TYW1: variants seen among roughly 807,000 people sequenced by gnomAD.
TYW1 encodes the protein S-adenosyl-L-methionine-dependent tRNA 4-demethylwyosine synthase TYW1.
TYW1 carries 46 observed loss-of-function variants against 96.2 expected under a neutral mutation model. The observed-to-expected ratio is 0.48, with a 90% CI of 0.38 to 0.61. The LOEUF (loss-of-function observed/expected upper bound fraction) is 0.61. Among genes scored for constraint, TYW1 ranks in the 20% least tolerant of loss-of-function variants. The pLI is 0.00. For synonymous variants in TYW1, 274 were observed against 323.0 expected (o/e 0.85, Z 1.63); for missense variants, 684 against 909.6 (o/e 0.75, Z 3.19).
chr7:67,013,036 A>G (rs981863852), intron 4 of TYW1, among the ~76,000 whole-genome samples: 3 of 152,168 alleles, frequency 2.0e-5, no homozygotes, highest in Non-Finnish European at 4.4e-5. Flanking sequence ...CCAAGTGTTA[A>G]ATTACTTTAT....
chr7:67,101,054 G>A (rs1205580374), intron 12 of TYW1, among the ~76,000 whole-genome samples: 1 of 152,096 alleles, frequency 6.6e-6, no homozygotes, highest in Non-Finnish European at 1.5e-5. Flanking sequence ...TCTCTTTGTT[G>A]TGCTTATGTG....
chr7:67,108,952 C>T (rs1450887800), intron 12 of TYW1, among the ~76,000 whole-genome samples: 2 of 151,948 alleles, frequency 1.3e-5, no homozygotes, highest in Admixed American at 1.3e-4. Flanking sequence ...ACTTGTGGGT[C>T]AAAAAGAAGT....
At chr7:67,181,642 A>G (rs1039469142) in intron 13 of TYW1, among the ~76,000 whole-genome samples, 15 of 150,516 alleles carry the variant, frequency 1.0e-4, no homozygotes, top group Admixed American at 7.3e-4. Context: ...GAGCATTGCT[A>G]CTTCAGGTGT....
chr7:67,153,065 C>T (rs1157570441), intron 13 of TYW1, among the ~76,000 whole-genome samples: 1 of 152,194 alleles, frequency 6.6e-6, no homozygotes, highest in Non-Finnish European at 1.5e-5. Context: ...AACATTTAGC[C>T]CCAGCCTTCA....
intron 6 of TYW1, among the ~76,000 whole-genome samples, chr7:67,021,484 T>C (rs1794271280): frequency 1.3e-5 from 2 of 152,292 alleles, no homozygotes; most frequent in Non-Finnish European, 2.9e-5. Flanking sequence ...CCTGTTTACT[T>C]ACCCTTCACA....
At chr7:67,033,086 G>A (rs1794724467) in intron 7 of TYW1, among the ~76,000 whole-genome samples, 1 of 151,550 alleles carries the variant, frequency 6.6e-6, no homozygotes. Context: ...TAGTAGAGAT[G>A]GAGTTTCACC....
intron 11 of TYW1, among the ~76,000 whole-genome samples, chr7:67,096,338 T>TGAG (rs1176142816): frequency 2.7e-4 from 41 of 152,234 alleles, no homozygotes; most frequent in African/African-American, 7.9e-4. Flanking sequence ...TGCAGTGAGC[T>TGAG]ATTTTGCCAC....
chr7:67,112,529 T>C (rs1462430034), intron 12 of TYW1, among the ~76,000 whole-genome samples: 1 of 150,744 alleles, frequency 6.6e-6, no homozygotes, highest in African/African-American at 2.4e-5. Flanking sequence ...GGTAGGAGAG[T>C]TGCTTGAACC....
At chr7:67,070,542 A>T (rs1348863141) in intron 10 of TYW1, among the ~76,000 whole-genome samples, 1 of 152,048 alleles carries the variant, frequency 6.6e-6, no homozygotes, top group African/African-American at 2.4e-5. Context: ...GAAACCCTCT[A>T]GTGAAGTCTT....
At chr7:67,162,850 G>A (rs1343290488) in intron 13 of TYW1, among the ~76,000 whole-genome samples, 14 of 152,112 alleles carry the variant, frequency 9.2e-5, no homozygotes, top group Non-Finnish European at 2.1e-4. Context: ...TGTAGATAGG[G>A]CACCTCTCTT....
chr7:67,046,101 A>G (rs1026537234), intron 7 of TYW1, among the ~76,000 whole-genome samples: 1 of 152,178 alleles, frequency 6.6e-6, no homozygotes, highest in Non-Finnish European at 1.5e-5. Context: ...AGGCAGTATA[A>G]TTAGTGAAGT....
intron 8 of TYW1, among the ~76,000 whole-genome samples, chr7:67,052,497 A>G (rs1409182701): frequency 6.6e-6 from 1 of 152,116 alleles, no homozygotes; most frequent in Admixed American, 6.5e-5. Flanking sequence ...CTAGAAGTTC[A>G]GTTTGGGTCT....
intron 12 of TYW1, among the ~76,000 whole-genome samples, chr7:67,100,380 C>G (rs1055316632): frequency 4.0e-5 from 6 of 151,208 alleles, no homozygotes; most frequent in African/African-American, 1.5e-4. Flanking sequence ...GATTAGACTG[C>G]AAGTTCCTTG....
chr7:67,120,417 C>A (rs914769788), intron 13 of TYW1, among the ~76,000 whole-genome samples: 30 of 152,286 alleles, frequency 2.0e-4, no homozygotes, highest in African/African-American at 7.2e-4. Flanking sequence ...GGAAACTCAA[C>A]AGAGATTTGT....
At chr7:67,192,520 A>C (rs1226241626) in intron 14 of TYW1, among the ~76,000 whole-genome samples, 1 of 152,260 alleles carries the variant, frequency 6.6e-6, no homozygotes, top group Admixed American at 6.5e-5. Flanking sequence ...TAATCCACAC[A>C]TAAGCAGTAT....
intron 10 of TYW1, among the ~76,000 whole-genome samples, chr7:67,069,555 A>G (rs1168523694): frequency 6.6e-6 from 1 of 152,162 alleles, no homozygotes; most frequent in Non-Finnish European, 1.5e-5. Context: ...TCTGGGTAAC[A>G]TGACGAAACC....
Position 67,123,452 on chromosome 7 carries a change from C to T in TYW1, c.1698+5834C>T, listed in dbSNP as rs144844021. ...GGCTAACTCCTTAGTAAACTGGTTCCCTCCAGACCTTTTACCTAATATCGT... is the reference window on the plus strand; with the variant it reads ...GGCTAACTCCTTAGTAAACTGGTTCTCTCCAGACCTTTTACCTAATATCGT... On this transcript the variant is annotated intron_variant, in intron 13 of 15. Coordinates refer to ENST00000359626, the MANE Select transcript of TYW1 (RefSeq NM_018264.4). Among the ~76,000 whole-genome samples, 745 of 152,290 alleles carry T rather than the reference C, an allele frequency of 4.9e-3. 6 individuals carry two copies. Among genetic ancestry groups the T allele is most frequent in the African/African-American group, 0.017 (701 of 41,560 alleles).
intron 9 of TYW1, among the ~76,000 whole-genome samples, chr7:67,061,057 G>A (rs1584513468): frequency 1.3e-5 from 2 of 152,052 alleles, no homozygotes; most frequent in Admixed American, 1.3e-4. Flanking sequence ...GTGAAACCCC[G>A]TCTCTACTAA....
intron 6 of TYW1, among the ~76,000 whole-genome samples, chr7:67,020,006 C>CCA (rs1794189065): frequency 6.6e-6 from 1 of 152,250 alleles, no homozygotes; most frequent in Non-Finnish European, 1.5e-5. Context: ...ATTCCAATTT[C>CCA]ATTTCAGTCC....
Sources: allele counts gnomAD v4.1 joint callset (sites outside exome capture counted in the v4.1 genomes callset), GRCh38; gene constraint gnomAD v4.1.1; transcripts MANE v1.5; gene names NCBI Gene and HGNC (gene_info 2026-07-23, HGNC 2026-07-21).